Variants in CCDC33 observed in about 807,000 individuals in gnomAD.
CCDC33 encodes the protein coiled-coil domain containing 33.
A neutral mutation model predicts 91.9 loss-of-function variants in CCDC33; 94 were observed. That is an observed-to-expected ratio of 1.02 (90% CI 0.87 to 1.21). The LOEUF (loss-of-function observed/expected upper bound fraction) is 1.21, where lower values mean the gene tolerates loss of function less well. CCDC33 is among the 50% of genes most tolerant of loss of function. The pLI, the probability that CCDC33 is intolerant of heterozygous loss-of-function variation, is 0.00. For synonymous variants in CCDC33, 396 were observed against 374.5 expected (o/e 1.06, Z -0.66); for missense variants, 940 against 935.5 (o/e 1.00, Z -0.06).
At chr15:74,230,200 T>C (rs956835634) in intron 2 of CCDC33, among the ~76,000 whole-genome samples, 1 of 152,018 alleles carries the variant, frequency 6.6e-6, no homozygotes, top group Admixed American at 6.5e-5. Flanking sequence ...TACTAAGGTG[T>C]TTTTTGAAGC....
At chr15:74,253,629 G>A (rs1396266803) in intron 2 of CCDC33, among the ~76,000 whole-genome samples, 1 of 152,148 alleles carries the variant, frequency 6.6e-6, no homozygotes, top group Non-Finnish European at 1.5e-5. Flanking sequence ...GATGCTTAGG[G>A]GATGTGCCAC....
Position 74,269,600 on chromosome 15 carries a change from C to T in CCDC33, c.546+1142C>T, listed in dbSNP as rs889756187. ...CAGCCTGGCCTTGCTGTCCCCAGGC[C>T]GCACCCCACAGGGAGGAGGCCACAT... On this transcript the variant is annotated intron_variant, in intron 5 of 18. Transcript: ENST00000398814. Among the ~76,000 whole-genome samples the T allele has an allele frequency of 2.6e-5, 4 of 152,334 alleles. No individual in the cohort carries two copies. The South Asian group carries it at 8.3e-4, about 32-fold the overall frequency.
At chr15:74,226,772 G>A (rs2074810471) in intron 2 of CCDC33, among the ~76,000 whole-genome samples, 1 of 150,856 alleles carries the variant, frequency 6.6e-6, no homozygotes, top group African/African-American at 2.4e-5. Flanking sequence ...AGGTTGCGGT[G>A]AGCCAAGATC....
chr15:74,212,628 G>A (rs2074378753), upstream of CCDC33: 1 of 152,202 alleles, frequency 6.6e-6, no homozygotes, highest in South Asian at 2.1e-4. Flanking sequence ...AAGAGACGAG[G>A]CTTCTAATTT....
chr15:74,313,719 A>T (rs1338054644), intron 11 of CCDC33, among the ~76,000 whole-genome samples: 1 of 152,194 alleles, frequency 6.6e-6, no homozygotes, highest in Non-Finnish European at 1.5e-5. Context: ...GCCCTGCCAC[A>T]GAAGTGCTAG....
chr15:74,329,934 CT>C (rs2060391225), intron 11 of CCDC33, among the ~76,000 whole-genome samples: 2 of 152,186 alleles, frequency 1.3e-5, no homozygotes, highest in African/African-American at 4.8e-5. Flanking sequence ...GGGTTTCCCC[CT>C]GAGTTGGTAT....
At chr15:74,215,340 G>C (rs1477682870), upstream of CCDC33, among the ~76,000 whole-genome samples, 1 of 152,144 alleles carries the variant, frequency 6.6e-6, no homozygotes, top group African/African-American at 2.4e-5. Flanking sequence ...AATTCACAGA[G>C]ACGGAAAGTA....
chr15:74,335,894 G>A (rs184219394), intron 18 of CCDC33, 31 bp from the exon 19 acceptor site: 26 of 1,556,676 alleles, frequency 1.7e-5, no homozygotes, highest in South Asian at 1.0e-4. Flanking sequence ...GGAATGGGGG[G>A]TACTCACGCA....
At chr15:74,266,647 A>G in intron 3 of CCDC33, 31 bp from the exon 4 acceptor site, 1 of 1,494,002 alleles carries the variant, frequency 6.7e-7, no homozygotes, top group Non-Finnish European at 9.3e-7. Context: ...CCATTTAAAA[A>G]TAAACCTGGG....
At chr15:74,210,763 T>C (rs111280093) in intron 2 of CCDC33, among the ~76,000 whole-genome samples, 2 of 152,330 alleles carry the variant, frequency 1.3e-5, no homozygotes, top group African/African-American at 4.8e-5. Flanking sequence ...AAGCTAGATG[T>C]AGCCCTTAGA....
At chr15:74,215,024 T>A (rs1438765697), upstream of CCDC33, among the ~76,000 whole-genome samples, 1 of 152,136 alleles carries the variant, frequency 6.6e-6, no homozygotes, top group Non-Finnish European at 1.5e-5. Flanking sequence ...TGATGACTTG[T>A]GTGGGCAAGT....
At chr15:74,219,585 T>A (rs1407680116) in intron 2 of CCDC33, among the ~76,000 whole-genome samples, 1 of 152,190 alleles carries the variant, frequency 6.6e-6, no homozygotes, top group Non-Finnish European at 1.5e-5. Flanking sequence ...TCATCTATGG[T>A]CCTGTAGGGC....
chr15:74,296,008 C>A, intron 11 of CCDC33, 60 bp downstream of exon 11: 1 of 1,432,094 alleles, frequency 7.0e-7, no homozygotes, highest in Non-Finnish European at 9.5e-7. Flanking sequence ...GGGAAGGGGA[C>A]TTGACTGCCA....
intron 1 of CCDC33, chr15:74,209,210 G>T: frequency 9.5e-7 from 1 of 1,054,140 alleles, no homozygotes. Flanking sequence ...GTCTCCAGCG[G>T]TATAGCCTCT....
intron 11 of CCDC33, among the ~76,000 whole-genome samples, chr15:74,317,887 G>GTTT (rs71137385): frequency 1.7e-4 from 19 of 110,478 alleles, no homozygotes; most frequent in South Asian, 3.5e-4. Flanking sequence ...GTTTGGGTTT[G>GTTT]TTTTTTTTTT....
At chr15:74,213,880 A>G (rs1368479411), upstream of CCDC33, among the ~76,000 whole-genome samples, 1 of 152,196 alleles carries the variant, frequency 6.6e-6, no homozygotes, top group Non-Finnish European at 1.5e-5. Flanking sequence ...ACCTAATCGC[A>G]GTGGCCCAGG....
chr15:74,249,504 AAT>A (rs1048115705), intron 2 of CCDC33, among the ~76,000 whole-genome samples: 16 of 70,766 alleles, frequency 2.3e-4, no homozygotes, highest in East Asian at 8.8e-4. Context: ...ATAATAAAAA[AAT>A]AAAAACAACT....
chr15:74,217,595 G>A (rs551330386), intron 1 of CCDC33: 1 of 1,212,478 alleles, frequency 8.2e-7, no homozygotes, highest in East Asian at 5.9e-5. Flanking sequence ...TGAAGTAGGG[G>A]TGGGGTTTGG....
At chr15:74,312,316 C>G (rs1211709259) in intron 11 of CCDC33, among the ~76,000 whole-genome samples, 1 of 152,206 alleles carries the variant, frequency 6.6e-6, no homozygotes, top group Non-Finnish European at 1.5e-5. Context: ...TTCAGCCTGT[C>G]CATGGCAGGC....
Sources: gnomAD v4.1 joint callset for allele counts (sites outside exome capture counted in the v4.1 genomes callset) on GRCh38, gnomAD v4.1.1 for gene constraint, MANE v1.5 for transcripts, NCBI Gene and HGNC (gene_info 2026-07-23, HGNC 2026-07-21) for gene names.